DRC8: variants seen among roughly 807,000 people sequenced by gnomAD.
DRC8 encodes dynein regulatory complex protein 8.
the DRC8 span, among the ~76,000 whole-genome samples, chr1:245,036,631 A>G: frequency 3.3e-5 from 5 of 152,242 alleles, no homozygotes; most frequent in African/African-American, 4.8e-5. Context: ...AACGTGATGT[A>G]TTTATAAAAT....
At chr1:244,980,040 TAAAAAA>T in the DRC8 span, among the ~76,000 whole-genome samples, 12 of 34,734 alleles carry the variant, frequency 3.5e-4, no homozygotes, top group East Asian at 5.5e-3. Flanking sequence ...CCGTCTCTAC[TAAAAAA>T]AAAAAAAAAA....
At chr1:245,099,234 A>T in the DRC8 span, among the ~76,000 whole-genome samples, 12 of 152,258 alleles carry the variant, frequency 7.9e-5, no homozygotes, top group African/African-American at 2.9e-4. Flanking sequence ...TGCTCCGGAA[A>T]CTGGAATGAC....
At chr1:245,089,223 A>G in the DRC8 span, among the ~76,000 whole-genome samples, 1 of 152,070 alleles carries the variant, frequency 6.6e-6, no homozygotes, top group Non-Finnish European at 1.5e-5. This position sits in a 1 kb window ranked among gnomAD's most constrained non-coding sequence, Gnocchi z 4.8. Context: ...TGGTAAGCAA[A>G]ATGATGAGGT....
the DRC8 span, among the ~76,000 whole-genome samples, chr1:244,998,293 C>G: frequency 1.3e-5 from 2 of 151,990 alleles, no homozygotes; most frequent in African/African-American, 2.4e-5. Context: ...ACTGCAGCCT[C>G]GAATGGCTGG....
chr1:245,078,025 A>T, the DRC8 span, among the ~76,000 whole-genome samples: 1 of 152,062 alleles, frequency 6.6e-6, no homozygotes, highest in Non-Finnish European at 1.5e-5. Flanking sequence ...AACAAAAACG[A>T]CCTAATTAAA....
chr1:245,079,103 G>A, the DRC8 span, among the ~76,000 whole-genome samples: 1 of 152,078 alleles, frequency 6.6e-6, no homozygotes, highest in African/African-American at 2.4e-5. Flanking sequence ...ATATAAAATA[G>A]TGTCTATATT....
the DRC8 span, among the ~76,000 whole-genome samples, chr1:244,990,465 G>C: frequency 6.6e-6 from 1 of 152,164 alleles, no homozygotes; most frequent in African/African-American, 2.4e-5. Context: ...GATAAGGGGA[G>C]ACTACTGCAC....
At chr1:245,089,115 C>T in the DRC8 span, among the ~76,000 whole-genome samples, 2 of 152,066 alleles carry the variant, frequency 1.3e-5, no homozygotes, top group Non-Finnish European at 2.9e-5. The surrounding 1 kb of genome is among the most constrained non-coding windows in gnomAD (Gnocchi z 4.8). Flanking sequence ...AGGGGATAGA[C>T]TGGGAAAAGT....
the DRC8 span, among the ~76,000 whole-genome samples, chr1:245,039,488 A>AAG: frequency 3.4e-5 from 5 of 147,670 alleles, no homozygotes; most frequent in Non-Finnish European, 6.0e-5. Context: ...AAAAAAAAAA[A>AAG]AGAGTTTGTG....
the DRC8 span, among the ~76,000 whole-genome samples, chr1:245,109,423 T>C: frequency 1.3e-5 from 2 of 152,158 alleles, no homozygotes; most frequent in East Asian, 1.9e-4. Context: ...AGCTGGCCTT[T>C]CTGGCCTCCT....
chr1:245,112,412 T>C, the DRC8 span, among the ~76,000 whole-genome samples: 3 of 152,220 alleles, frequency 2.0e-5, no homozygotes, highest in Non-Finnish European at 2.9e-5. Flanking sequence ...CCTTTACTTA[T>C]TTCATTTAAA....
chr1:244,977,988 G>C, the DRC8 span, among the ~76,000 whole-genome samples: 1 of 151,930 alleles, frequency 6.6e-6, no homozygotes, highest in African/African-American at 2.4e-5. Flanking sequence ...AGACTTTTAG[G>C]GGCACTTATT....
chr1:245,017,435 C>T, the DRC8 span: 1 of 1,108,332 alleles, frequency 9.0e-7, no homozygotes, highest in Non-Finnish European at 1.2e-6. Context: ...TTATTATGCT[C>T]TTTTAAGTAT....
the DRC8 span, among the ~76,000 whole-genome samples, chr1:245,116,686 G>T: frequency 6.6e-6 from 1 of 152,120 alleles, no homozygotes; most frequent in African/African-American, 2.4e-5. Context: ...TTGAGTATCT[G>T]GCTAAAACCT....
At chr1:245,028,615 G>T in the DRC8 span, among the ~76,000 whole-genome samples, 1 of 152,188 alleles carries the variant, frequency 6.6e-6, no homozygotes, top group African/African-American at 2.4e-5. Context: ...TGTTAAAGAT[G>T]TGGGGGAAGT....
At chr1:244,985,076 GTTTTTTTT>G in the DRC8 span, among the ~76,000 whole-genome samples, 402 of 130,820 alleles carry the variant, frequency 3.1e-3, 1 homozygote, top group South Asian at 0.012. Context: ...TGTCTCCAGG[GTTTTTTTT>G]TTTTTTTTTT....
chr1:244,970,318 C>G, the DRC8 span: 4 of 1,329,922 alleles, frequency 3.0e-6, no homozygotes, highest in South Asian at 3.8e-5. Context: ...TCAGAGCGGC[C>G]CCTCCTCCAG....
the DRC8 span, among the ~76,000 whole-genome samples, chr1:245,032,267 AG>A: frequency 4.6e-5 from 7 of 152,168 alleles, no homozygotes; most frequent in Non-Finnish European, 1.0e-4. Context: ...TTATCTTTAA[AG>A]GGGTTAGAAA....
chr1:245,088,484 C>T, the DRC8 span, among the ~76,000 whole-genome samples: 28 of 152,198 alleles, frequency 1.8e-4, no homozygotes, highest in Non-Finnish European at 2.5e-4. This position sits in a 1 kb window ranked among gnomAD's most constrained non-coding sequence, Gnocchi z 4.6. Flanking sequence ...AAGAGACTGT[C>T]GCTGTTCATT....
Sources: gnomAD v4.1 joint callset for allele counts (sites outside exome capture counted in the v4.1 genomes callset) on GRCh38, gnomAD v4.1.1 for gene constraint, Gnocchi (gnomAD v3.1) non-coding constraint, MANE v1.5 for transcripts, NCBI Gene and HGNC (gene_info 2026-07-23, HGNC 2026-07-21) for gene names.